SLC14A2: variants seen among roughly 807,000 people sequenced by gnomAD.
SLC14A2 encodes solute carrier family 14 member 2, also known as urea transporter 2.
Under a neutral mutation model 104.6 loss-of-function variants are expected in SLC14A2, and 91 were observed. That is an observed-to-expected ratio of 0.87 (90% CI 0.73 to 1.04). SLC14A2 has a LOEUF of 1.04. Ranked by LOEUF, SLC14A2 falls within the 50% of genes least tolerant of loss-of-function variation. SLC14A2 has a pLI of 0.00. For synonymous variants in SLC14A2, 476 were observed against 466.4 expected (o/e 1.02, Z -0.27); for missense variants, 1,189 against 1,156.0 (o/e 1.03, Z -0.41).
intron 1 of SLC14A2, among the ~76,000 whole-genome samples, chr18:45,240,358 G>C (rs1427044892): frequency 2.0e-5 from 3 of 151,552 alleles, no homozygotes; most frequent in African/African-American, 7.3e-5. Context: ...GCCCCCCAAA[G>C]CTCTGGGATT....
At chr18:45,185,186 T>A in the SLC14A2 span, among the ~76,000 whole-genome samples, 1 of 152,170 alleles carries the variant, frequency 6.6e-6, no homozygotes, top group Non-Finnish European at 1.5e-5. Flanking sequence ...CTCAGAACAG[T>A]CCTTCCTAGG....
At chr18:45,496,716 G>A (rs914180775) in intron 2 of SLC14A2, among the ~76,000 whole-genome samples, 2 of 152,214 alleles carry the variant, frequency 1.3e-5, no homozygotes, top group Non-Finnish European at 2.9e-5. Context: ...CCAGGAGGTA[G>A]AGGTTGCAGT....
chr18:45,653,286 C>G (rs1340797520), intron 10 of SLC14A2, among the ~76,000 whole-genome samples: 2 of 152,132 alleles, frequency 1.3e-5, no homozygotes, highest in East Asian at 1.9e-4. Flanking sequence ...TGTTTGCTTT[C>G]CTTCCTCACA....
the SLC14A2 span, among the ~76,000 whole-genome samples, chr18:45,183,906 A>ATTTTTTTTTTTTTTTTTTT: frequency 3.5e-4 from 22 of 62,720 alleles, 1 homozygote; most frequent in South Asian, 8.7e-4. Flanking sequence ...TAATTTTCTA[A>ATTTTTTTTTTTTTTTTTTT]TTTTTTTTTT....
intron 1 of SLC14A2, among the ~76,000 whole-genome samples, chr18:45,359,449 G>A (rs2085588957): frequency 6.6e-6 from 1 of 152,206 alleles, no homozygotes; most frequent in African/African-American, 2.4e-5. Flanking sequence ...CTCCAGGGAA[G>A]AGATAAGGAG....
chr18:45,676,334 C>T (rs902287368), intron 18 of SLC14A2, among the ~76,000 whole-genome samples: 3 of 152,098 alleles, frequency 2.0e-5, no homozygotes, highest in Admixed American at 1.3e-4. Flanking sequence ...GCGTCCAGAC[C>T]GTGGAGCTAT....
chr18:45,582,378 C>CTT (rs2144362953), intron 2 of SLC14A2, among the ~76,000 whole-genome samples: 1 of 152,168 alleles, frequency 6.6e-6, no homozygotes, highest in Admixed American at 6.5e-5. Flanking sequence ...CACTTTAGGA[C>CTT]TTAGTATTCA....
intron 1 of SLC14A2, among the ~76,000 whole-genome samples, chr18:45,316,815 G>T (rs2085133999): frequency 6.6e-6 from 1 of 152,156 alleles, no homozygotes; most frequent in Non-Finnish European, 1.5e-5. Flanking sequence ...TCAGGAATCA[G>T]TTCAAGGACA....
At chr18:45,491,923 C>T (rs1462829279) in intron 2 of SLC14A2, 3 of 152,204 alleles carry the variant, frequency 2.0e-5, no homozygotes, top group Non-Finnish European at 2.9e-5. Flanking sequence ...TTTAGAACAC[C>T]AAATGGTTAA....
chr18:45,622,638 T>C (rs917141086), intron 1 of SLC14A2, among the ~76,000 whole-genome samples: 1 of 152,054 alleles, frequency 6.6e-6, no homozygotes, highest in African/African-American at 2.4e-5. Context: ...AAAATGCTCC[T>C]GTTACACGAA....
At chr18:45,532,478 T>G (rs531724616) in intron 2 of SLC14A2, among the ~76,000 whole-genome samples, 1 of 140,436 alleles carries the variant, frequency 7.1e-6, no homozygotes, top group Non-Finnish European at 1.5e-5. Flanking sequence ...GAATGGGAGT[T>G]CACTCATGAT....
intron 1 of SLC14A2, among the ~76,000 whole-genome samples, chr18:45,369,901 G>C (rs746293433): frequency 6.6e-6 from 1 of 152,118 alleles, no homozygotes; most frequent in Non-Finnish European, 1.5e-5. Flanking sequence ...TGTTATAGCT[G>C]TTTCCCAGGG....
At chr18:45,280,756 G>A (rs1055212871) in intron 1 of SLC14A2, among the ~76,000 whole-genome samples, 1 of 152,168 alleles carries the variant, frequency 6.6e-6, no homozygotes, top group Non-Finnish European at 1.5e-5. Flanking sequence ...GCTGAGAAGT[G>A]ATGTTTATCC....
At position 45,663,875 on chromosome 18, in the gene SLC14A2, T is replaced by A. The variant is rs1452910849; in HGVS notation, c.1442T>A (p.Ile481Asn). 6.2e-7 allele frequency: 1 copy of A among 1,613,400 alleles called. No homozygotes were observed. The change falls in exon 11 of 20, where the codon ATC becomes AAC. Residue 481 changes from isoleucine (I) to asparagine (N), a missense_variant. Ile to Asn is a moderately radical substitution (Grantham distance 149, BLOSUM62 -3). Coordinates refer to ENST00000255226, the MANE Select transcript of SLC14A2 (RefSeq NM_007163.4). ...VLSKHRSVFH[I>N]EWSSIRRRSK... The stretch of plus-strand genomic sequence containing the variant: ...TCCAAGCACAGGAGTGTATTTCACA[T>A]CGAGTGGTCATCCATTCGGAGGAGG...
the SLC14A2 span, among the ~76,000 whole-genome samples, chr18:45,176,021 T>TGG: frequency 6.6e-6 from 1 of 152,172 alleles, no homozygotes; most frequent in African/African-American, 2.4e-5. Context: ...AGAAACGGAA[T>TGG]GGAGAATATA....
At chr18:45,314,932 A>G (rs1392588229) in intron 1 of SLC14A2, among the ~76,000 whole-genome samples, 1 of 152,242 alleles carries the variant, frequency 6.6e-6, no homozygotes, top group East Asian at 1.9e-4. Flanking sequence ...AAGAGTGTCC[A>G]CAGAAGCAAA....
intron 2 of SLC14A2, among the ~76,000 whole-genome samples, chr18:45,565,288 C>A (rs1383970245): frequency 2.6e-5 from 4 of 152,052 alleles, no homozygotes; most frequent in Non-Finnish European, 4.4e-5. Context: ...CCAAGCCCTG[C>A]TAATTTTTTC....
At chr18:45,337,313 G>T (rs533863137) in intron 1 of SLC14A2, among the ~76,000 whole-genome samples, 10 of 152,182 alleles carry the variant, frequency 6.6e-5, no homozygotes, top group African/African-American at 2.2e-4. Context: ...GATACTGGTT[G>T]CCTCAGAAGT....
chr18:45,498,094 T>C (rs1040125524), intron 2 of SLC14A2, among the ~76,000 whole-genome samples: 1 of 152,182 alleles, frequency 6.6e-6, no homozygotes, highest in Non-Finnish European at 1.5e-5. Context: ...TGGAAGTCCA[T>C]TCCTGTCCAA....
Sources: allele counts gnomAD v4.1 joint callset (sites outside exome capture counted in the v4.1 genomes callset), GRCh38; gene constraint gnomAD v4.1.1; transcripts MANE v1.5; gene names NCBI Gene and HGNC (gene_info 2026-07-23, HGNC 2026-07-21).